The following COPRS variants were observed in gnomAD, a reference collection of about 807,000 sequenced individuals.
The protein encoded by COPRS is coordinator of PRMT5 and differentiation stimulator.
COPRS carries 11 observed loss-of-function variants against 19.9 expected under a neutral mutation model. That is an observed-to-expected ratio of 0.55 (90% CI 0.35 to 0.92). COPRS has a LOEUF of 0.92. COPRS is among the 40% of genes least tolerant of loss of function. The probability of loss-of-function intolerance (pLI) is 0.01; values close to 1 mark genes in which losing one functional copy is unlikely to be tolerated. For missense variants in COPRS, 225 were observed against 229.9 expected (o/e 0.98, Z 0.14); for synonymous variants, 81 against 82.7 (o/e 0.98, Z 0.11).
chr17:31,855,704 GA>G (rs1396731424), intron 2 of COPRS, among the ~76,000 whole-genome samples: 3 of 149,408 alleles, frequency 2.0e-5, no homozygotes, highest in Non-Finnish European at 4.5e-5. Context: ...AAAAGAAAAA[GA>G]AAAAAAGGGG....
Position 31,851,913 on chromosome 17 carries a change from T to C in COPRS, c.*226A>G, listed in dbSNP as rs1336690378. 2 of 516,058 alleles carry C rather than the reference T, an allele frequency of 3.9e-6. No homozygotes were observed. The highest frequency in any genetic ancestry group is 7.1e-5 in the East Asian group (2 of 28,198). The allele number at this position is 516,058 out of a possible 1,614,324, so 32.0% of individuals were successfully genotyped here. A position where few individuals can be genotyped will look rare whatever the true frequency, so the allele number is the denominator to read the frequency against. ...TATTTACAAAGAACACAACTCCTCT[T>C]GACACAAACACACACACATTTCAAG... On this transcript the variant is annotated 3_prime_UTR_variant, in exon 4 of 4. Transcript: ENST00000302362.
intron 2 of COPRS, among the ~76,000 whole-genome samples, chr17:31,856,162 C>CCATA (rs1000338340): frequency 1.3e-5 from 2 of 151,952 alleles, no homozygotes; most frequent in Non-Finnish European, 2.9e-5. Context: ...TAGTAAAACC[C>CCATA]CATAGCTACT....
In COPRS at chr17:31,856,828, C is replaced by G. The variant is rs1164663110; in HGVS notation, c.137G>C (p.Arg46Thr). The G allele has an allele frequency of 3.7e-6, 6 of 1,609,634 alleles. No homozygotes were observed. In the South Asian group the frequency reaches 6.6e-5, roughly 18 times the overall value. Residue 46 changes from arginine (R) to threonine (T), a missense_variant, in exon 2 of 4, where the codon AGA (arginine) becomes ACA (threonine). By Grantham distance (71) the Arg-to-Thr change is moderately conservative (BLOSUM62 -1). Coordinates refer to ENST00000302362, the MANE Select transcript of COPRS (RefSeq NM_018405.4). ...FATADHSSQE[R>T]ETEKAMDRLA... is the part of the protein sequence containing the mutation. ...TCGATCCATAGCCTTCTCAGTCTCTCTCTCCTGACTGGAGTGGTCAGCTGT... is the reference window on the plus strand; with the variant it reads ...TCGATCCATAGCCTTCTCAGTCTCTGTCTCCTGACTGGAGTGGTCAGCTGT...
At chr17:31,855,249 C>T (rs947914441) in intron 2 of COPRS, among the ~76,000 whole-genome samples, 5 of 151,744 alleles carry the variant, frequency 3.3e-5, no homozygotes, top group Non-Finnish European at 4.4e-5. Flanking sequence ...CAGTGGCTCA[C>T]GCCTGTAATC....
At chr17:31,852,359 G>C in intron 3 of COPRS, 51 bp from the exon 4 acceptor site, 1 of 1,485,592 alleles carries the variant, frequency 6.7e-7, no homozygotes, top group Non-Finnish European at 9.2e-7. Context: ...GGGAAGGAAG[G>C]AAGGTAAAAA....
At chr17:31,853,120 G>A in intron 2 of COPRS, 90 bp from the exon 3 acceptor site, 2 of 907,608 alleles carry the variant, frequency 2.2e-6, no homozygotes, top group Non-Finnish European at 3.6e-6. Flanking sequence ...TACTACGAAG[G>A]TAGTAAAACA....
chr17:31,852,358 G>A, intron 3 of COPRS, 50 bp from the exon 4 acceptor site: 1 of 1,485,970 alleles, frequency 6.7e-7, no homozygotes, highest in Non-Finnish European at 9.2e-7. Flanking sequence ...AGGGAAGGAA[G>A]GAAGGTAAAA....
rs1263879339 is a variant in COPRS, at chr17:31,859,210, CCG to C, written c.-13_-12del. The C allele has an allele frequency of 1.9e-6, 2 of 1,042,500 alleles. No individual in the cohort carries two copies. The highest frequency in any genetic ancestry group is 3.4e-5 in the African/African-American group (2 of 58,544). 64.6% of individuals were successfully genotyped at this position (1,042,500 alleles called of 1,614,324 possible). Reference sequence around the variant, plus strand: ...GGCCTGAAGGTCCATGCCCTGCGGCCCGCGGCTGGTCGCCCTGGACGCCGTGG... The same window carrying C: ...GGCCTGAAGGTCCATGCCCTGCGGCCCGGCTGGTCGCCCTGGACGCCGTGG... On this transcript the variant is annotated 5_prime_UTR_variant, in exon 1 of 4. Transcript: ENST00000302362.
intron 2 of COPRS, among the ~76,000 whole-genome samples, chr17:31,855,458 G>C (rs971427698): frequency 1.3e-5 from 2 of 152,024 alleles, no homozygotes; most frequent in African/African-American, 2.4e-5. Context: ...AGTGAGCCGA[G>C]ATAGTGCCAC....
intron 2 of COPRS, among the ~76,000 whole-genome samples, chr17:31,855,186 G>A (rs1361224249): frequency 2.0e-5 from 3 of 151,790 alleles, no homozygotes; most frequent in Admixed American, 6.6e-5. Flanking sequence ...GACCAGCCTG[G>A]CCAACATGGT....
In COPRS at chr17:31,859,162, G is replaced by A. The variant is rs1359410573; in HGVS notation, c.38C>T (p.Ala13Val). ...LQAAGAQAQG[A>V]AEPSRGPPLP... ...CGGCGGGCCCCGAGACGGCTCCGCG[G>A]CCCCCTGCGCCTGGGCCCCGGCGGC... Residue 13 changes from alanine to valine, a missense_variant, in exon 1 of 4, where the codon GCC becomes GTC. Physicochemically the swap from Ala to Val is moderately conservative, Grantham distance 64 (BLOSUM62 0). This residue lies in a region of COPRS where 51 missense variants were observed against 39.2 expected (regional missense o/e 1.30). Coordinates refer to ENST00000302362, the MANE Select transcript of COPRS (RefSeq NM_018405.4). 48 of 1,068,566 alleles carry A rather than the reference G, an allele frequency of 4.5e-5. No homozygotes were observed. Among genetic ancestry groups the A allele is most frequent in the Non-Finnish European group, 4.7e-5 (42 of 885,044 alleles). The allele number at this position is 1,068,566 out of a possible 1,614,324, so 66.2% of individuals were successfully genotyped here. A position where few individuals can be genotyped will look rare whatever the true frequency, so the allele number is the denominator to read the frequency against.
intron 1 of COPRS, chr17:31,858,676 G>T (rs748582779): frequency 3.2e-5 from 45 of 1,384,966 alleles, no homozygotes; most frequent in Non-Finnish European, 4.4e-5. Flanking sequence ...GACATCTGGG[G>T]CTCAGGGTTA....
At chr17:31,853,057 T>C (rs753034176) in intron 2 of COPRS, 27 bp from the exon 3 acceptor site, 4 of 1,564,570 alleles carry the variant, frequency 2.6e-6, no homozygotes, top group South Asian at 2.2e-5. Flanking sequence ...AAGATGGCCT[T>C]AGTGACAAAC....
intron 1 of COPRS, chr17:31,858,245 C>T (rs1335258527): frequency 2.5e-6 from 1 of 402,912 alleles, no homozygotes; most frequent in Non-Finnish European, 3.4e-6. Flanking sequence ...ATCTCCACGC[C>T]TCTGCAGACA....
At chr17:31,853,794 T>A (rs986898059) in intron 2 of COPRS, among the ~76,000 whole-genome samples, 3 of 152,164 alleles carry the variant, frequency 2.0e-5, no homozygotes, top group Middle Eastern at 6.8e-3. Context: ...CTAATCACAA[T>A]GGGCAGCACC....
chr17:31,852,482 G>A (rs562656419), intron 3 of COPRS, among the ~76,000 whole-genome samples, 174 bp from the exon 4 acceptor site: 1 of 152,262 alleles, frequency 6.6e-6, no homozygotes, highest in Admixed American at 6.5e-5. Context: ...CGGAACAGCT[G>A]AGAAGCTATG....
At chr17:31,855,420 T>C (rs940772866) in intron 2 of COPRS, among the ~76,000 whole-genome samples, 2 of 151,968 alleles carry the variant, frequency 1.3e-5, no homozygotes, top group Non-Finnish European at 2.9e-5. Context: ...GGCAGGAGAA[T>C]GGTGTGAACC....
In COPRS at chr17:31,856,816, T is replaced by C. The variant is rs1451080121; in HGVS notation, c.149A>G (p.Lys50Arg). Residue 50 changes from lysine (K) to arginine (R), a missense_variant, in exon 2 of 4, where the codon AAG (lysine) becomes AGG (arginine). Around this residue, in one of 3 missense-constraint regions of COPRS, gnomAD observed 170 missense variants for 171.4 expected, o/e 0.99. Transcript: ENST00000302362. ...CTACTTGCCTAGTCGATCCATAGCC[T>C]TCTCAGTCTCTCTCTCCTGACTGGA... Reference protein sequence around the residue: ...DHSSQERETEKAMDRLARGTQ... With the variant: ...DHSSQERETERAMDRLARGTQ... 6.2e-7 allele frequency: 1 copy of C among 1,607,736 alleles called. No individual in the cohort carries two copies. Among genetic ancestry groups the C allele is most frequent in the Admixed American group, 1.7e-5 (1 of 59,872 alleles).
chr17:31,856,951 C>A, intron 1 of COPRS, 86 bp from the exon 2 acceptor site: 1 of 811,902 alleles, frequency 1.2e-6, no homozygotes. Flanking sequence ...CCCACCCACT[C>A]TTCCATACTC....
Sources: gnomAD v4.1 joint callset for allele counts (sites outside exome capture counted in the v4.1 genomes callset) on GRCh38, gnomAD v4.1.1 for gene constraint, gnomAD v4.1.1 regional missense constraint, MANE v1.5 for transcripts, NCBI Gene and HGNC (gene_info 2026-07-23, HGNC 2026-07-21) for gene names.